The following DOCK11 variants were observed in gnomAD, a reference collection of about 807,000 sequenced individuals.
The protein encoded by DOCK11 is dedicator of cytokinesis protein 11.
In DOCK11, 70 loss-of-function variants were observed where a neutral mutation model predicts 169.1. That is an observed-to-expected ratio of 0.41 (90% CI 0.34 to 0.51). The LOEUF is 0.51. Ranked by LOEUF, DOCK11 falls within the 20% of genes least tolerant of loss-of-function variation. The probability of loss-of-function intolerance (pLI) is 0.10; values close to 1 mark genes in which losing one functional copy is unlikely to be tolerated. For synonymous variants in DOCK11, 529 were observed against 541.3 expected (o/e 0.98, Z 0.32); for missense variants, 1,166 against 1,538.8 (o/e 0.76, Z 4.05).
rs762533215 is a variant in DOCK11 at position 118,641,128 on chromosome X, A to G, written c.4145-62A>G. The G allele has an allele frequency of 1.9e-4, 168 of 873,765 alleles. 1 individual carries two copies. Among genetic ancestry groups the G allele is most frequent in the Non-Finnish European group, 2.7e-4 (161 of 592,229 alleles). The allele number at this position is 873,765 out of a possible 1,213,427, so 72.0% of individuals were successfully genotyped here. A position where few individuals can be genotyped will look rare whatever the true frequency, so the allele number is the denominator to read the frequency against. On this transcript the variant is annotated intron_variant, in intron 38 of 52. Transcript: ENST00000276202. ...GTCTTAAGTCTTTGGGTAGAAAGTC[A>G]TTCAACACCATTATGTGCATCTTCG...
intron 45 of DOCK11, among the ~76,000 whole-genome samples, chrX:118,670,548 A>G (rs1207426943): frequency 3.6e-5 from 4 of 111,745 alleles, no homozygotes. Context: ...AAATTTAAAA[A>G]AACATCGAAT....
At chrX:118,508,268 G>A (rs188855724) in intron 1 of DOCK11, among the ~76,000 whole-genome samples, 31 of 111,744 alleles carry the variant, frequency 2.8e-4, no homozygotes, top group African/African-American at 1.0e-3. Flanking sequence ...TCATGGAACT[G>A]TTTTCATGAT....
At chrX:118,647,519 ATATATAATATAATAT>A (rs2015717967) in intron 40 of DOCK11, among the ~76,000 whole-genome samples, 2 of 64,814 alleles carry the variant, frequency 3.1e-5, no homozygotes, top group Admixed American at 4.7e-4. Flanking sequence ...TAATAATATA[ATATATAATATAATAT>A]TATATATTAT....
At chrX:118,657,971 T>A (rs1039085624) in intron 44 of DOCK11, among the ~76,000 whole-genome samples, 1 of 109,476 alleles carries the variant, frequency 9.1e-6, no homozygotes, top group Admixed American at 9.8e-5. Context: ...CTATTTTTTT[T>A]AAAAAACCTG....
intron 6 of DOCK11, among the ~76,000 whole-genome samples, chrX:118,557,763 CAAAAAAAAAAAAAAA>C (rs773728594): frequency 3.7e-4 from 9 of 24,334 alleles, no homozygotes; most frequent in African/African-American, 9.7e-4. Context: ...GACTCTGTCT[CAAAAAAAAAAAAAAA>C]AAAAAAAAAA....
intron 1 of DOCK11, 66 bp downstream of exon 1, chrX:118,496,139 C>T (rs769231710): frequency 8.8e-4 from 701 of 793,947 alleles, no homozygotes; most frequent in Non-Finnish European, 1.1e-3. Flanking sequence ...CGGGAAGGGG[C>T]AGGAACGGCG....
intron 23 of DOCK11, among the ~76,000 whole-genome samples, chrX:118,599,866 C>T (rs998387679): frequency 8.9e-6 from 1 of 111,799 alleles, no homozygotes; most frequent in African/African-American, 3.3e-5. Context: ...TTAGGATTTA[C>T]CTTTGGACAT....
chrX:118,598,080 G>C lies in DOCK11; in HGVS notation c.2436G>C (p.Lys812Asn), dbSNP rs137968655. The change falls in exon 22 of 53, where the codon AAG becomes AAC. Residue 812 changes from lysine (K) to asparagine (N), a missense_variant. Physicochemically the swap from Lys to Asn is moderately conservative, Grantham distance 94 (BLOSUM62 0). Transcript: ENST00000276202. The stretch of plus-strand genomic sequence containing the variant: ...TAGATGGTGCAAAGCCTTTGTTGAA[G>C]ATTAAAAGCCACTTAGAATCTACCA... ...KWVDGAKPLL[K>N]IKSHLESTIY... is the part of the protein sequence containing the mutation. The C allele has an allele frequency of 2.3e-5, 28 of 1,195,743 alleles. No homozygotes were observed. Among genetic ancestry groups the C allele is most frequent in the Non-Finnish European group, 3.2e-5 (28 of 885,761 alleles).
intron 23 of DOCK11, among the ~76,000 whole-genome samples, chrX:118,600,944 C>T (rs2014318596): frequency 9.1e-6 from 1 of 110,318 alleles, no homozygotes; most frequent in South Asian, 3.9e-4. Context: ...TAAGCCATGG[C>T]GAGGAGTTTG....
At chrX:118,500,291 G>A (rs12847286) in intron 1 of DOCK11, among the ~76,000 whole-genome samples, 10,105 of 110,070 alleles carry the variant, frequency 0.092, 400 homozygotes, top group African/African-American at 0.12. Flanking sequence ...CTCGTGATCC[G>A]CCCGCCTCGG....
chrX:118,609,068 T>A (rs2014610993), intron 26 of DOCK11, among the ~76,000 whole-genome samples: 1 of 112,412 alleles, frequency 8.9e-6, no homozygotes, highest in Admixed American at 9.4e-5. Context: ...AAGGTTCCCA[T>A]CCTTCCTTTA....
At chrX:118,611,488 C>T (rs890169252) in intron 28 of DOCK11, among the ~76,000 whole-genome samples, 1 of 112,424 alleles carries the variant, frequency 8.9e-6, no homozygotes, top group African/African-American at 3.2e-5. Context: ...TCATTTAAAT[C>T]GTTTCTCTGA....
At chrX:118,595,821 G>A (rs1030819629) in intron 20 of DOCK11, among the ~76,000 whole-genome samples, 3 of 111,421 alleles carry the variant, frequency 2.7e-5, no homozygotes, top group East Asian at 5.6e-4. Context: ...ACGCTTGGTC[G>A]TGCTCTGATT....
intron 28 of DOCK11, among the ~76,000 whole-genome samples, chrX:118,612,443 A>T (rs2014706955): frequency 8.9e-6 from 1 of 112,325 alleles, no homozygotes; most frequent in Admixed American, 9.5e-5. Flanking sequence ...TTTACTATGT[A>T]AAGGGAATAG....
At chrX:118,668,609 G>A (rs2016392408) in intron 45 of DOCK11, among the ~76,000 whole-genome samples, 1 of 111,532 alleles carries the variant, frequency 9.0e-6, no homozygotes, top group African/African-American at 3.3e-5. Flanking sequence ...TACTGGAAAA[G>A]CCAATGTAAG....
At chrX:118,647,968 A>ATAATATATAATAATATATAATATATT (rs1253669473) in intron 40 of DOCK11, among the ~76,000 whole-genome samples, 1 of 38,289 alleles carries the variant, frequency 2.6e-5, no homozygotes, top group African/African-American at 1.2e-4. Flanking sequence ...TATAATATAT[A>ATAATATATAATAATATATAATATATT]ATTATATATA....
chrX:118,586,225 C>T (rs771849542), intron 16 of DOCK11, among the ~76,000 whole-genome samples: 1 of 111,192 alleles, frequency 9.0e-6, no homozygotes, highest in Non-Finnish European at 1.9e-5. Flanking sequence ...TGCAAGCAAA[C>T]GAGTTGTATT....
At position 118,593,240 on chromosome X, in the gene DOCK11, A is replaced by G; in HGVS notation, c.2166A>G (p.Leu722=). ...TTAAAATTGAGCTTCCCATTCACCT[A>G]CATCAAAAACATCATTTGCTTTTCA... The part of the protein sequence containing the change: ...DEIKIELPIH[L]HQKHHLLFTF... The change falls in exon 20 of 53, where the codon CTA becomes CTG. Residue 722 remains leucine, a synonymous_variant. Coordinates refer to ENST00000276202, the MANE Select transcript of DOCK11 (RefSeq NM_144658.4). 1 of 1,199,673 alleles carries G rather than the reference A, an allele frequency of 8.3e-7. No homozygotes were observed. Among genetic ancestry groups the G allele is most frequent in the Non-Finnish European group, 1.1e-6 (1 of 889,760 alleles).
intron 45 of DOCK11, among the ~76,000 whole-genome samples, chrX:118,669,677 A>T (rs769085615): frequency 2.4e-4 from 27 of 112,583 alleles, no homozygotes; most frequent in Non-Finnish European, 4.1e-4. Flanking sequence ...GTACACAGAA[A>T]CATTCAGGCT....
Sources: gnomAD v4.1 joint callset for allele counts (sites outside exome capture counted in the v4.1 genomes callset) on GRCh38, gnomAD v4.1.1 for gene constraint, MANE v1.5 for transcripts, NCBI Gene and HGNC (gene_info 2026-07-23, HGNC 2026-07-21) for gene names.